The following NRG1 variants were observed in gnomAD, a reference collection of about 807,000 sequenced individuals.
NRG1 encodes the protein neuregulin 1.
Under a neutral mutation model 63.8 loss-of-function variants are expected in NRG1, and 18 were observed. The ratio of observed to expected loss-of-function variants is 0.28; its 90% CI spans 0.19 to 0.42. The LOEUF (loss-of-function observed/expected upper bound fraction) is 0.42. Among genes scored for constraint, NRG1 ranks in the 10% least tolerant of loss-of-function variants. NRG1 has a pLI of 1.00. For missense variants in NRG1, 762 were observed against 814.7 expected (o/e 0.94, Z 0.79); for synonymous variants, 302 against 301.3 (o/e 1.00, Z -0.02).
chr8:31,718,458 T>G (rs550713225), intron 1 of NRG1, among the ~76,000 whole-genome samples: 3 of 152,214 alleles, frequency 2.0e-5, no homozygotes, highest in Non-Finnish European at 4.4e-5. Context: ...CAGGGCACAG[T>G]CACTTCCATA....
chr8:31,719,841 ATTT>A (rs141147282), intron 1 of NRG1, among the ~76,000 whole-genome samples: 3 of 149,898 alleles, frequency 2.0e-5, no homozygotes, highest in Non-Finnish European at 4.4e-5. Flanking sequence ...TGGGATTATG[ATTT>A]TTTTTTTTAG....
chr8:32,760,963 A>G, intron 11 of NRG1: 1 of 986,454 alleles, frequency 1.0e-6, no homozygotes, highest in South Asian at 4.7e-5. Context: ...CCAAGAAGGG[A>G]TGAATAAATA....
intron 1 of NRG1, among the ~76,000 whole-genome samples, chr8:32,480,670 C>A (rs1218747633): frequency 3.3e-5 from 5 of 152,090 alleles, no homozygotes; most frequent in African/African-American, 4.8e-5. Flanking sequence ...ATAAAGGTAG[C>A]GTGGTGCTAG....
chr8:31,947,286 G>A (rs1802709873), intron 1 of NRG1, among the ~76,000 whole-genome samples: 1 of 140,010 alleles, frequency 7.1e-6, no homozygotes, highest in Non-Finnish European at 1.5e-5. Flanking sequence ...CGGCCTGGGC[G>A]ACAGAGTGAG....
intron 1 of NRG1, among the ~76,000 whole-genome samples, chr8:31,766,354 A>G (rs1241126084): frequency 2.3e-4 from 35 of 152,196 alleles, no homozygotes; most frequent in Admixed American, 2.3e-3. Context: ...TGTTCAGTCT[A>G]GTAAAAAGCC....
chr8:32,079,704 T>G (rs1827154690), intron 1 of NRG1, among the ~76,000 whole-genome samples: 1 of 152,192 alleles, frequency 6.6e-6, no homozygotes. Context: ...TTAACTGGCA[T>G]GTACAGAATT....
chr8:32,749,448 T>C (rs776095698), intron 7 of NRG1: 23 of 1,079,552 alleles, frequency 2.1e-5, no homozygotes, highest in Non-Finnish European at 3.0e-5. Context: ...TCAATGTGCA[T>C]GCACAGAGAG....
intron 1 of NRG1, among the ~76,000 whole-genome samples, chr8:32,421,022 G>T (rs1174733256): frequency 1.3e-5 from 2 of 152,138 alleles, no homozygotes; most frequent in African/African-American, 4.8e-5. Flanking sequence ...TGCCATGATT[G>T]CAAGTTTCCT....
At chr8:32,105,522 G>T (rs763442707) in intron 1 of NRG1, among the ~76,000 whole-genome samples, 1 of 152,030 alleles carries the variant, frequency 6.6e-6, no homozygotes, top group Non-Finnish European at 1.5e-5. Context: ...CCTCCCACCA[G>T]GTGTCTCCCA....
At position 32,147,039 on chromosome 8, in the gene NRG1, T is replaced by G. The variant is rs1836943459; in HGVS notation, c.38-448789T>G. Among the ~76,000 whole-genome samples the G allele has an allele frequency of 2.0e-5, 3 of 152,334 alleles. No individual in the cohort carries two copies. The South Asian group carries it at 6.2e-4, about 32-fold the overall frequency. ...TAGAAGTAGTAAACATTAATTTCCT[T>G]TCTTCCATCTATAGTTCACCTCTAG... On this transcript the variant is annotated intron_variant, in intron 1 of 10. Coordinates refer to the NRG1 transcript ENST00000519301.
chr8:32,012,615 C>T (rs1814931491), intron 1 of NRG1, among the ~76,000 whole-genome samples: 1 of 152,026 alleles, frequency 6.6e-6, no homozygotes, highest in South Asian at 2.1e-4. Flanking sequence ...TACATTTTGT[C>T]TCCATCATTT....
intron 5 of NRG1, among the ~76,000 whole-genome samples, chr8:32,666,506 C>T (rs1409317007): frequency 1.3e-5 from 2 of 152,108 alleles, no homozygotes; most frequent in East Asian, 1.9e-4. Flanking sequence ...AAAAAAAGAG[C>T]GTGGTTCCCT....
At chr8:32,751,927 T>C (rs1209640156) in intron 7 of NRG1, among the ~76,000 whole-genome samples, 1 of 152,192 alleles carries the variant, frequency 6.6e-6, no homozygotes, top group East Asian at 1.9e-4. Flanking sequence ...GCATGATTCC[T>C]TTTTCCCATT....
At chr8:31,756,616 G>A (rs1345502295) in intron 1 of NRG1, among the ~76,000 whole-genome samples, 3 of 152,088 alleles carry the variant, frequency 2.0e-5, no homozygotes, top group Non-Finnish European at 4.4e-5. Context: ...TTATCCTTAC[G>A]ACATCTCTCC....
chr8:32,543,660 A>G (rs114282959), upstream of NRG1, among the ~76,000 whole-genome samples: 253 of 152,296 alleles, frequency 1.7e-3, no homozygotes, highest in African/African-American at 5.9e-3. Context: ...ATGATAAATA[A>G]TAGTAATCAT....
intron 1 of NRG1, among the ~76,000 whole-genome samples, chr8:31,723,621 C>T (rs1324555078): frequency 6.6e-6 from 1 of 152,036 alleles, no homozygotes; most frequent in Non-Finnish European, 1.5e-5. Context: ...TGGTGCCTGG[C>T]AGAGCCTCTT....
intron 1 of NRG1, among the ~76,000 whole-genome samples, chr8:32,128,130 A>G (rs1834346009): frequency 6.6e-6 from 1 of 151,928 alleles, no homozygotes; most frequent in African/African-American, 2.4e-5. Flanking sequence ...GCTGAAGAGA[A>G]TGAGGTTTCT....
At position 32,453,434 on chromosome 8, in the gene NRG1, A is replaced by G. The variant is rs117783043; in HGVS notation, c.38-142394A>G. Among the ~76,000 whole-genome samples, 465 of 152,312 alleles carry G rather than the reference A, an allele frequency of 3.1e-3. 4 individuals carry two copies. Among genetic ancestry groups the G allele is most frequent in the Non-Finnish European group, 4.1e-3 (279 of 68,016 alleles). ...CAGTAAATCACCGTATAAGGGGTGTATGCATTAGGGCCTCCCACATAAACT... is the reference window on the plus strand; with the variant it reads ...CAGTAAATCACCGTATAAGGGGTGTGTGCATTAGGGCCTCCCACATAAACT... On this transcript the variant is annotated intron_variant, in intron 1 of 10. Coordinates refer to the NRG1 transcript ENST00000519301.
chr8:32,736,293 G>C (rs1213632217), intron 6 of NRG1, among the ~76,000 whole-genome samples: 1 of 152,140 alleles, frequency 6.6e-6, no homozygotes, highest in East Asian at 1.9e-4. Flanking sequence ...CAATACCTTT[G>C]GGAAAGAATA....
Sources: gnomAD v4.1 joint callset for allele counts (sites outside exome capture counted in the v4.1 genomes callset) on GRCh38, gnomAD v4.1.1 for gene constraint, MANE v1.5 for transcripts, NCBI Gene and HGNC (gene_info 2026-07-23, HGNC 2026-07-21) for gene names.